Variants in DNAH6 observed in about 807,000 individuals in gnomAD.
DNAH6 encodes the protein dynein axonemal heavy chain 6, also known as axonemal beta dynein heavy chain 6.
DNAH6 carries 340 observed loss-of-function variants against 491.4 expected under a neutral mutation model. The observed-to-expected ratio is 0.69, with a 90% CI of 0.63 to 0.76. The LOEUF is 0.76. Ranked by LOEUF, DNAH6 falls within the 30% of genes least tolerant of loss-of-function variation. DNAH6 has a pLI of 0.00. For missense variants in DNAH6, 4,443 were observed against 4,972.2 expected (o/e 0.89, Z 3.20); for synonymous variants, 1,603 against 1,686.1 (o/e 0.95, Z 1.21).
In DNAH6 at chr2:84,577,278, A is replaced by C. The variant is rs755646326; in HGVS notation, c.1946A>C (p.Gln649Pro). 6.3e-7 allele frequency: 1 copy of C among 1,587,064 alleles called. No individual in the cohort carries two copies. The highest frequency in any genetic ancestry group is 8.5e-7 in the Non-Finnish European group (1 of 1,170,094). The change falls in exon 13 of 77, where the codon CAA becomes CCA. Residue 649 changes from glutamine (Q) to proline (P), a missense_variant. This residue lies in a region of DNAH6 where 2,977 missense variants were observed against 3,296.6 expected (regional missense o/e 0.90). Transcript: ENST00000389394. The part of the protein sequence containing the change: ...QEPDINFFSE[Q>P]LEKYHKQHKD... ...GTAGATATTAACTTTTTTAGTGAACAACTGGAAAAATATCACAAACAGCAC... is the reference window on the plus strand; with the variant it reads ...GTAGATATTAACTTTTTTAGTGAACCACTGGAAAAATATCACAAACAGCAC...
the DNAH6 span, among the ~76,000 whole-genome samples, chr2:84,493,937 A>G: frequency 6.6e-6 from 1 of 152,218 alleles, no homozygotes; most frequent in Non-Finnish European, 1.5e-5. Context: ...CAAGGCACAC[A>G]AGGTGTATTA....
intron 62 of DNAH6, among the ~76,000 whole-genome samples, chr2:84,739,276 C>T (rs745770421): frequency 1.3e-5 from 2 of 152,158 alleles, no homozygotes; most frequent in African/African-American, 2.4e-5. Context: ...TTCTCTTTCA[C>T]GTGGACTTGG....
chr2:84,817,363 C>G (rs1416558625), intron 76 of DNAH6, among the ~76,000 whole-genome samples: 2 of 152,160 alleles, frequency 1.3e-5, no homozygotes, highest in Non-Finnish European at 2.9e-5. Flanking sequence ...TACCTTTGAA[C>G]CAGAATTCAA....
chr2:84,679,695 A>G (rs1293051298), intron 41 of DNAH6, among the ~76,000 whole-genome samples: 2 of 152,250 alleles, frequency 1.3e-5, no homozygotes, highest in Non-Finnish European at 2.9e-5. Context: ...AGTAAATTCT[A>G]TAATGATACG....
intron 46 of DNAH6, 111 bp downstream of exon 46, chr2:84,694,591 A>G (rs1695204388): frequency 1.4e-6 from 1 of 716,160 alleles, no homozygotes; most frequent in African/African-American, 1.8e-5. Flanking sequence ...GTTCCCTTTG[A>G]TAACAGATTT....
chr2:84,647,227 G>T (rs1689986661), intron 33 of DNAH6, among the ~76,000 whole-genome samples: 1 of 152,134 alleles, frequency 6.6e-6, no homozygotes, highest in Admixed American at 6.5e-5. Flanking sequence ...CTTCATGAAG[G>T]TTTCTTCATG....
chr2:84,557,725 T>G lies in DNAH6; in HGVS notation c.1603-10T>G. 1 of 1,511,142 alleles carries G rather than the reference T, an allele frequency of 6.6e-7. No individual in the cohort carries two copies. Among genetic ancestry groups the G allele is most frequent in the Non-Finnish European group, 9.1e-7 (1 of 1,100,772 alleles). The allele number at this position is 1,511,142 out of a possible 1,614,324, so 93.6% of individuals were successfully genotyped here. On this transcript the variant is annotated splice_polypyrimidine_tract_variant and intron_variant, in intron 10 of 76. Coordinates refer to ENST00000389394, the MANE Select transcript of DNAH6 (RefSeq NM_001370.2). ...GTTCACATTTATGTTTATGCTTTTC[T>G]CTTTAACAGGATGGTATTTTGGGTG...
the DNAH6 span, among the ~76,000 whole-genome samples, chr2:84,495,482 A>G: frequency 6.6e-5 from 10 of 152,318 alleles, no homozygotes; most frequent in African/African-American, 2.2e-4. Flanking sequence ...TTTTCAAATC[A>G]CAAAAACACT....
chr2:84,697,958 T>C (rs1695547532), intron 47 of DNAH6: 9 of 528,040 alleles, frequency 1.7e-5, no homozygotes, highest in South Asian at 1.7e-4. Flanking sequence ...CCCACAGAGG[T>C]CATAGTCTTG....
At chr2:84,785,980 A>G (rs1301381867) in intron 67 of DNAH6, among the ~76,000 whole-genome samples, 3 of 152,186 alleles carry the variant, frequency 2.0e-5, no homozygotes, top group African/African-American at 7.2e-5. Context: ...AATACCATCA[A>G]TTGGATGAAT....
chr2:84,633,091 G>A (rs1688554456), intron 29 of DNAH6, among the ~76,000 whole-genome samples: 1 of 152,190 alleles, frequency 6.6e-6, no homozygotes, highest in Non-Finnish European at 1.5e-5. Flanking sequence ...TTCATAGAAT[G>A]TATGCACACG....
intron 11 of DNAH6, among the ~76,000 whole-genome samples, chr2:84,565,691 A>G (rs749900339): frequency 2.6e-5 from 4 of 151,962 alleles, no homozygotes; most frequent in Non-Finnish European, 5.9e-5. Flanking sequence ...GTGTTCAAGT[A>G]TCCCACTATT....
chr2:84,528,962 G>A lies in DNAH6; in HGVS notation c.458G>A (p.Gly153Asp), dbSNP rs779795358. 1.3e-4 allele frequency: 208 copies of A among 1,550,268 alleles called. No homozygotes were observed. Among genetic ancestry groups the A allele is most frequent in the Middle Eastern group, 3.3e-4 (2 of 6,004 alleles). ...TCTCCTCCTAAACTGCCACATACTGGTATTGGAAAAAGAGGTCTCTTTGGG... is the reference window on the plus strand; with the variant it reads ...TCTCCTCCTAAACTGCCACATACTGATATTGGAAAAAGAGGTCTCTTTGGG... ...SPSPPKLPHT[G>D]IGKRGLFGTR... Residue 153 changes from glycine (G) to aspartate (D), a missense_variant, in exon 4 of 77, where the codon GGT (glycine) becomes GAT (aspartate). Around this residue, in one of 3 missense-constraint regions of DNAH6, gnomAD observed 2,977 missense variants for 3,296.6 expected, o/e 0.90. Transcript: ENST00000389394.
Position 84,819,456 on chromosome 2 carries a change from C to T in DNAH6, c.*48C>T. 2 of 1,222,762 alleles carry T rather than the reference C, an allele frequency of 1.6e-6. No homozygotes were observed. Among genetic ancestry groups the T allele is most frequent in the Non-Finnish European group, 1.2e-6 (1 of 863,744 alleles). The allele number at this position is 1,222,762 out of a possible 1,614,324, so 75.7% of individuals were successfully genotyped here. On this transcript the variant is annotated 3_prime_UTR_variant, in exon 77 of 77. Coordinates refer to ENST00000389394, the MANE Select transcript of DNAH6 (RefSeq NM_001370.2). ...AAAAGAACCAGGCCAGAGATCTTTC[C>T]TAATGGGAGCAAAAGGTTTGAATAA...
intron 74 of DNAH6, among the ~76,000 whole-genome samples, chr2:84,813,598 C>G (rs1319151935): frequency 6.6e-6 from 1 of 152,216 alleles, no homozygotes; most frequent in Non-Finnish European, 1.5e-5. Flanking sequence ...CCCTTCATCT[C>G]TCTCATTCTT....
At chr2:84,626,793 G>A (rs1426090096) in intron 29 of DNAH6, among the ~76,000 whole-genome samples, 1 of 152,048 alleles carries the variant, frequency 6.6e-6, no homozygotes, top group Non-Finnish European at 1.5e-5. Flanking sequence ...GCGGAGATGG[G>A]GGTTTCACCA....
At chr2:84,642,968 C>T (rs540835748) in intron 33 of DNAH6, among the ~76,000 whole-genome samples, 3 of 152,252 alleles carry the variant, frequency 2.0e-5, no homozygotes, top group African/African-American at 7.2e-5. Context: ...CATGCTCTTC[C>T]ATGCTCTTCC....
At chr2:84,523,291 C>A (rs1368269828) in intron 2 of DNAH6, among the ~76,000 whole-genome samples, 1 of 151,920 alleles carries the variant, frequency 6.6e-6, no homozygotes, top group South Asian at 2.1e-4. Context: ...GTGGGGTAAG[C>A]AATAATATCC....
chr2:84,818,547 G>A (rs1030268712), intron 76 of DNAH6, among the ~76,000 whole-genome samples: 2 of 135,806 alleles, frequency 1.5e-5, no homozygotes, highest in African/African-American at 5.3e-5. Context: ...ATGTAGTCAC[G>A]CCTCTAGATC....
Sources: gnomAD v4.1 joint callset for allele counts (sites outside exome capture counted in the v4.1 genomes callset) on GRCh38, gnomAD v4.1.1 for gene constraint, gnomAD v4.1.1 regional missense constraint, MANE v1.5 for transcripts, NCBI Gene and HGNC (gene_info 2026-07-23, HGNC 2026-07-21) for gene names.